The following SPAG16 variants were observed in gnomAD, a reference collection of about 807,000 sequenced individuals.
SPAG16 encodes the protein sperm-associated antigen 16 protein.
In SPAG16, 86 loss-of-function variants were observed where a neutral mutation model predicts 80.4. The observed-to-expected ratio is 1.07, with a 90% CI of 0.90 to 1.28. SPAG16 has a LOEUF of 1.28. Ranked by LOEUF, SPAG16 falls within the 50% of genes most tolerant of loss-of-function variation. The pLI, the probability that SPAG16 is intolerant of heterozygous loss-of-function variation, is 0.00. For synonymous variants in SPAG16, 294 were observed against 265.9 expected, an observed-to-expected ratio of 1.11 and a Z score of -1.03; for missense variants, 870 against 765.3, an observed-to-expected ratio of 1.14 and a Z score of -1.61.
chr2:213,328,997 C>CT (rs1310545340), intron 5 of SPAG16, among the ~76,000 whole-genome samples: 3 of 151,808 alleles, frequency 2.0e-5, no homozygotes, highest in African/African-American at 4.8e-5. Flanking sequence ...ACAAGCTCTC[C>CT]TTTTTTTTGC....
At chr2:213,846,117 T>C (rs2074610426) in intron 10 of SPAG16, among the ~76,000 whole-genome samples, 1 of 152,174 alleles carries the variant, frequency 6.6e-6, no homozygotes, top group Non-Finnish European at 1.5e-5. Context: ...ATACCAACAA[T>C]GATCCAAAAT....
intron 14 of SPAG16, among the ~76,000 whole-genome samples, chr2:214,108,477 ACACC>A (rs1553719344): frequency 1.7e-4 from 11 of 64,518 alleles, no homozygotes; most frequent in African/African-American, 5.2e-4. Flanking sequence ...ACACACACAC[ACACC>A]CCCACACACA....
intron 13 of SPAG16, among the ~76,000 whole-genome samples, chr2:214,034,829 CCTT>C (rs1394037366): frequency 2.0e-5 from 3 of 152,204 alleles, no homozygotes; most frequent in Admixed American, 6.5e-5. Context: ...GATCTTCTCT[CCTT>C]CTTTTTGCCT....
At chr2:213,596,929 AT>A (rs1171355889) in intron 10 of SPAG16, among the ~76,000 whole-genome samples, 16 of 152,152 alleles carry the variant, frequency 1.1e-4, no homozygotes, top group African/African-American at 3.9e-4. Context: ...AACAGCTATA[AT>A]TACTTTTCTC....
At chr2:214,118,562 G>C (rs144901246) in intron 14 of SPAG16, among the ~76,000 whole-genome samples, 3,561 of 152,188 alleles carry the variant, frequency 0.023, 99 homozygotes, top group South Asian at 0.13. Context: ...TTCACATGGT[G>C]GCGGCAGAAG....
At chr2:213,559,231 C>T (rs550244063) in intron 10 of SPAG16, among the ~76,000 whole-genome samples, 5 of 152,294 alleles carry the variant, frequency 3.3e-5, no homozygotes, top group African/African-American at 1.2e-4. Context: ...TCTGAATTAT[C>T]TACACATTCC....
intron 8 of SPAG16, among the ~76,000 whole-genome samples, chr2:213,368,268 T>C (rs529567227): frequency 4.0e-4 from 61 of 152,180 alleles, no homozygotes; most frequent in African/African-American, 1.3e-3. Context: ...CTTGGCTATG[T>C]AGGCTCTTTT....
rs537496992 is a variant in SPAG16 at position 213,759,236 on chromosome 2, A to T, written c.1071-103249A>T. ...GTTGTGTAAAGAAATAAAGATCTTA[A>T]TAAAGGAAAATACATAGAAAATTAT... is the stretch of plus-strand genomic sequence containing the variant. On this transcript the variant is annotated intron_variant, in intron 10 of 15. Coordinates refer to ENST00000331683, the MANE Select transcript of SPAG16 (RefSeq NM_024532.5). 2.0e-5 allele frequency among the ~76,000 whole-genome samples: 3 copies of T among 152,300 alleles called. No individual in the cohort carries two copies. In the South Asian group the frequency reaches 6.2e-4, roughly 32 times the overall value.
At chr2:213,806,715 A>C (rs2071790122) in intron 10 of SPAG16, among the ~76,000 whole-genome samples, 1 of 152,180 alleles carries the variant, frequency 6.6e-6, no homozygotes, top group South Asian at 2.1e-4. Context: ...AAGACTAAAG[A>C]TATTATATAG....
intron 10 of SPAG16, among the ~76,000 whole-genome samples, chr2:213,493,920 C>T (rs1352212134): frequency 6.6e-6 from 1 of 152,200 alleles, no homozygotes; most frequent in African/African-American, 2.4e-5. Context: ...CTTGTCCTTG[C>T]CATTCTCCTC....
intron 10 of SPAG16, among the ~76,000 whole-genome samples, chr2:213,537,584 C>T (rs2076294719): frequency 6.6e-6 from 1 of 152,040 alleles, no homozygotes; most frequent in South Asian, 2.1e-4. Flanking sequence ...GGAAGCACTG[C>T]CAAGCATATA....
In SPAG16 at chr2:214,249,179, C is replaced by A. The variant is rs939330110; in HGVS notation, c.1720+99913C>A. 2.0e-5 allele frequency among the ~76,000 whole-genome samples: 3 copies of A among 152,208 alleles called. No homozygotes were observed. In the East Asian group the frequency reaches 5.8e-4, roughly 29 times the overall value. On this transcript the variant is annotated intron_variant, in intron 15 of 15. Transcript: ENST00000331683. ...AAAGAAATCCTCAAAGCTATCAGAGCTATCAGAAAAACTACCAGAAAATTC... is the reference window on the plus strand; with the variant it reads ...AAAGAAATCCTCAAAGCTATCAGAGATATCAGAAAAACTACCAGAAAATTC...
At chr2:213,485,601 C>G (rs1031109687) in intron 9 of SPAG16, among the ~76,000 whole-genome samples, 5 of 151,226 alleles carry the variant, frequency 3.3e-5, no homozygotes, top group Admixed American at 6.6e-5. Flanking sequence ...GACTGTGAAT[C>G]CTTGGAGTGG....
At chr2:213,776,298 G>A (rs540757770) in intron 10 of SPAG16, among the ~76,000 whole-genome samples, 39 of 152,304 alleles carry the variant, frequency 2.6e-4, no homozygotes, top group Middle Eastern at 3.4e-3. Flanking sequence ...TTGCAGGAGG[G>A]AGAGAGACAC....
At chr2:213,359,596 A>G (rs1227846318) in intron 7 of SPAG16, among the ~76,000 whole-genome samples, 1 of 152,160 alleles carries the variant, frequency 6.6e-6, no homozygotes, top group East Asian at 1.9e-4. Context: ...ACGGGAGAAA[A>G]TCTCCTGGTC....
At chr2:213,405,147 T>G (rs547737454) in intron 9 of SPAG16, among the ~76,000 whole-genome samples, 2 of 152,194 alleles carry the variant, frequency 1.3e-5, no homozygotes, top group Non-Finnish European at 2.9e-5. Flanking sequence ...AAGGTTTACT[T>G]AAGTGCCAGT....
intron 10 of SPAG16, among the ~76,000 whole-genome samples, chr2:213,513,387 T>G (rs1289355919): frequency 6.6e-6 from 1 of 152,208 alleles, no homozygotes; most frequent in African/African-American, 2.4e-5. Context: ...TTTCTATGCA[T>G]GTTCTCAGGC....
At chr2:214,284,830 T>C (rs1358289299) in intron 15 of SPAG16, among the ~76,000 whole-genome samples, 2 of 150,240 alleles carry the variant, frequency 1.3e-5, no homozygotes, top group African/African-American at 4.9e-5. Context: ...TGTGTGTGTG[T>C]GTGCATATGT....
intron 10 of SPAG16, among the ~76,000 whole-genome samples, chr2:213,862,019 T>A (rs769608308): frequency 6.6e-6 from 1 of 152,188 alleles, no homozygotes; most frequent in Non-Finnish European, 1.5e-5. Context: ...ATTACAGAAC[T>A]ATGATAATGT....
Sources: gnomAD v4.1 joint callset for allele counts (sites outside exome capture counted in the v4.1 genomes callset) on GRCh38, gnomAD v4.1.1 for gene constraint, MANE v1.5 for transcripts, NCBI Gene and HGNC (gene_info 2026-07-23, HGNC 2026-07-21) for gene names.